Variants in AADAT observed in about 807,000 individuals in gnomAD.
The protein encoded by AADAT is aminoadipate aminotransferase, also known as kynurenine/alpha-aminoadipate aminotransferase, mitochondrial.
Under a neutral mutation model 56.2 loss-of-function variants are expected in AADAT, and 25 were observed. That is an observed-to-expected ratio of 0.44 (90% confidence interval 0.32 to 0.62). The LOEUF (loss-of-function observed/expected upper bound fraction) is 0.62, where lower values mean the gene tolerates loss of function less well. AADAT is among the 20% of genes least tolerant of loss of function. AADAT has a pLI of 0.04. For synonymous variants in AADAT, 173 were observed against 164.7 expected (o/e 1.05, Z -0.39); for missense variants, 387 against 510.5 (o/e 0.76, Z 2.33).
At chr4:170,087,345 G>T in intron 2 of AADAT, 97 bp from the exon 3 acceptor site, 1 of 1,163,484 alleles carries the variant, frequency 8.6e-7, no homozygotes, top group Non-Finnish European at 1.2e-6. Context: ...CAAGCACTTT[G>T]TACACTCAAT....
rs2111158377 is a variant in AADAT, at chr4:170,068,601, G to A, written c.890C>T (p.Thr297Ile). 2 of 1,599,638 alleles carry A rather than the reference G, an allele frequency of 1.3e-6. No homozygotes were observed. The highest frequency in any genetic ancestry group is 1.7e-6 in the Non-Finnish European group (2 of 1,175,896). The change falls in exon 8 of 13, where the codon ACT (threonine) becomes ATT (isoleucine). Residue 297 changes from threonine (T) to isoleucine (I), a missense_variant. Transcript: ENST00000337664. ...HIQVSTLHPS[T>I]FNQLMISQLL... The stretch of plus-strand genomic sequence containing the variant: ...CTAAATTGTCCTTACCTGGTTAAAA[G>A]TGCTGGGGTGCAATGTTGAAACTTG...
chr4:170,093,285 C>A (rs757873804), upstream of AADAT, among the ~76,000 whole-genome samples: 1 of 151,934 alleles, frequency 6.6e-6, no homozygotes, highest in South Asian at 2.1e-4. Context: ...CAAAAATTAG[C>A]GGTGTTTGGT....
intron 3 of AADAT, among the ~76,000 whole-genome samples, chr4:170,080,921 G>A (rs1732267953): frequency 6.6e-6 from 1 of 152,022 alleles, no homozygotes; most frequent in Non-Finnish European, 1.5e-5. Flanking sequence ...ATAGCCAACA[G>A]GAAACCATGA....
rs181002519 is a variant in AADAT at position 170,080,386 on chromosome 4, C to T, written c.370-1803G>A. ...ACTGGAAAAAGTGAGATTGAGGTGG[C>T]CAAGAGTTTTCCCCACCATCTTTGG... is the stretch of plus-strand genomic sequence containing the variant. On this transcript the variant is annotated intron_variant, in intron 3 of 12. Coordinates refer to ENST00000337664, the MANE Select transcript of AADAT (RefSeq NM_016228.4). 1.9e-3 allele frequency among the ~76,000 whole-genome samples: 284 copies of T among 152,214 alleles called. 1 individual carries two copies. The highest frequency in any genetic ancestry group is 3.1e-3 in the Non-Finnish European group (209 of 68,012).
In AADAT at chr4:170,081,296, T is replaced by C. The variant is rs563342975; in HGVS notation, c.370-2713A>G. 1.4e-4 allele frequency among the ~76,000 whole-genome samples: 21 copies of C among 152,162 alleles called. No homozygotes were observed. The South Asian group carries it at 4.4e-3, about 32-fold the overall frequency. ...AAAAGAAAAAAGAACAAAGAGTGCC[T>C]ACGAAATACAGAAAATTACCCCAAA... On this transcript the variant is annotated intron_variant, in intron 3 of 12. Transcript: ENST00000337664.
At chr4:170,087,548 G>A (rs1732623831) in intron 2 of AADAT, among the ~76,000 whole-genome samples, 1 of 152,094 alleles carries the variant, frequency 6.6e-6, no homozygotes, top group Non-Finnish European at 1.5e-5. Flanking sequence ...CGCATGCGTT[G>A]CATAATCGAT....
At chr4:170,084,266 A>C (rs1732451344) in intron 3 of AADAT, among the ~76,000 whole-genome samples, 4 of 152,194 alleles carry the variant, frequency 2.6e-5, no homozygotes, top group Non-Finnish European at 4.4e-5. Context: ...AGGAAAAATA[A>C]AGAATATAAA....
Position 170,060,890 on chromosome 4 carries a change from T to C in AADAT, c.*38A>G, listed in dbSNP as rs369301970. The C allele has an allele frequency of 7.5e-5, 113 of 1,509,414 alleles. No individual in the cohort carries two copies. The highest frequency in any genetic ancestry group is 9.4e-5 in the Non-Finnish European group (106 of 1,122,976). The allele number at this position is 1,509,414 out of a possible 1,614,324, so 93.5% of individuals were successfully genotyped here. A position where few individuals can be genotyped will look rare whatever the true frequency, so the allele number is the denominator to read the frequency against. On this transcript the variant is annotated 3_prime_UTR_variant, in exon 13 of 13. Coordinates refer to ENST00000337664, the MANE Select transcript of AADAT (RefSeq NM_016228.4). ...TCTGCCTCCCAAAGTGCTGGGATTA[T>C]AGGTGTGAGCCACCATGCCCAACCT...
upstream of AADAT, among the ~76,000 whole-genome samples, chr4:170,091,020 C>G (rs1199338464): frequency 6.6e-6 from 1 of 152,234 alleles, no homozygotes. Flanking sequence ...AATCTTTGTG[C>G]TAGCAGCTAA....
chr4:170,089,598 G>A, intron 1 of AADAT, 26 bp downstream of exon 1: 1 of 1,613,968 alleles, frequency 6.2e-7, no homozygotes, highest in Non-Finnish European at 8.5e-7. Flanking sequence ...CCACCCCAAA[G>A]GAGAGATGGT....
intron 2 of AADAT, among the ~76,000 whole-genome samples, chr4:170,087,898 A>G (rs994683906): frequency 1.3e-5 from 2 of 151,648 alleles, no homozygotes; most frequent in Non-Finnish European, 2.9e-5. Context: ...GACTATAGAA[A>G]TGAATGACTA....
At chr4:170,064,945 T>G (rs1731372976) in intron 10 of AADAT, 120 bp from the exon 11 acceptor site, 1 of 757,018 alleles carries the variant, frequency 1.3e-6, no homozygotes, top group East Asian at 3.2e-5. Flanking sequence ...AAAAAGTTCC[T>G]TCAATTATAG....
intron 1 of AADAT, chr4:170,089,344 C>T (rs1242106203): frequency 5.2e-6 from 3 of 580,344 alleles, no homozygotes; most frequent in Admixed American, 5.4e-5. Flanking sequence ...TGATAGCACG[C>T]CCCCTCCCTT....
At chr4:170,081,395 A>G (rs1732301625) in intron 3 of AADAT, among the ~76,000 whole-genome samples, 1 of 152,182 alleles carries the variant, frequency 6.6e-6, no homozygotes, top group Non-Finnish European at 1.5e-5. Context: ...TTATTTAAAG[A>G]AATAATAACA....
At chr4:170,065,558 T>C (rs1330119690) in intron 10 of AADAT, among the ~76,000 whole-genome samples, 1 of 151,772 alleles carries the variant, frequency 6.6e-6, no homozygotes, top group Non-Finnish European at 1.5e-5. Context: ...TGGAGTGCAA[T>C]GGCATGATCT....
chr4:170,060,700 T>C lies in AADAT; in HGVS notation c.*228A>G. 1 of 370,058 alleles carries C rather than the reference T, an allele frequency of 2.7e-6. No homozygotes were observed. The highest frequency in any genetic ancestry group is 4.8e-6 in the Non-Finnish European group (1 of 209,038). The allele number at this position is 370,058 out of a possible 1,614,324, so 22.9% of individuals were successfully genotyped here. ...TCTTCCTGCCAAAACAAGAAATTTA[T>C]TGGAAAAATCCATGAGCAGCATGAT... is the stretch of plus-strand genomic sequence containing the variant. On this transcript the variant is annotated 3_prime_UTR_variant, in exon 13 of 13. Transcript: ENST00000337664.
chr4:170,080,746 C>T (rs1447741007), intron 3 of AADAT, among the ~76,000 whole-genome samples: 1 of 152,114 alleles, frequency 6.6e-6, no homozygotes, highest in African/African-American at 2.4e-5. Flanking sequence ...AAGGTGCCAC[C>T]TTGGAAGATG....
intron 5 of AADAT, among the ~76,000 whole-genome samples, chr4:170,071,983 G>A (rs1731788140): frequency 6.6e-6 from 1 of 152,080 alleles, no homozygotes; most frequent in Admixed American, 6.5e-5. Flanking sequence ...TTCTATTTTG[G>A]GCATGTTAAG....
chr4:170,089,877 C>G lies in AADAT; in HGVS notation c.-187G>C. 1.6e-6 allele frequency: 1 copy of G among 614,864 alleles called. No homozygotes were observed. The highest frequency in any genetic ancestry group is 1.9e-5 in the South Asian group (1 of 53,086). 38.1% of individuals were successfully genotyped at this position (614,864 alleles called of 1,614,324 possible). A position where few individuals can be genotyped will look rare whatever the true frequency, so the allele number is the denominator to read the frequency against. ...ACGCCGCCGAAACTCCCCGGCTGGA[C>G]GCTGCGTTCGGTCTCCCGGTCCTAA... On this transcript the variant is annotated 5_prime_UTR_variant, in exon 1 of 13. Transcript: ENST00000337664.
Sources: allele counts gnomAD v4.1 joint callset (sites outside exome capture counted in the v4.1 genomes callset), GRCh38; gene constraint gnomAD v4.1.1; transcripts MANE v1.5; gene names NCBI Gene and HGNC (gene_info 2026-07-23, HGNC 2026-07-21).